The following SLCO1A2 variants were observed in gnomAD, a reference collection of about 807,000 sequenced individuals.
SLCO1A2 encodes solute carrier organic anion transporter family member 1A2, also known as OATP-1.
SLCO1A2 carries 67 observed loss-of-function variants against 69.0 expected under a neutral mutation model. The ratio of observed to expected loss-of-function variants is 0.97; its 90% CI spans 0.80 to 1.19. The LOEUF is 1.19. Ranked by LOEUF, SLCO1A2 falls within the 50% of genes most tolerant of loss-of-function variation. The pLI, the probability that SLCO1A2 is intolerant of heterozygous loss-of-function variation, is 0.00. For missense variants in SLCO1A2, 787 were observed against 793.7 expected (o/e 0.99, Z 0.10); for synonymous variants, 260 against 265.9 (o/e 0.98, Z 0.22).
In SLCO1A2 at chr12:21,275,443, T is replaced by C. The variant is rs1198278848; in HGVS notation, c.1611-19A>G. The C allele has an allele frequency of 4.9e-6, 7 of 1,427,804 alleles. No individual in the cohort carries two copies. Among genetic ancestry groups the C allele is most frequent in the Non-Finnish European group, 6.5e-6 (7 of 1,071,786 alleles). 88.4% of individuals were successfully genotyped at this position (1,427,804 alleles called of 1,614,324 possible). On this transcript the variant is annotated intron_variant, in intron 12 of 14. Transcript: ENST00000683939. ...CATACACCTGAAAAGTAAATAAGTT[T>C]GTAAATAAAAGAAAAATAAAGATTT...
At chr12:21,301,728 T>C (rs1948736767) in intron 6 of SLCO1A2, among the ~76,000 whole-genome samples, 1 of 152,164 alleles carries the variant, frequency 6.6e-6, no homozygotes, top group Admixed American at 6.5e-5. Context: ...TCTGGCTATG[T>C]CCTCATTATT....
At chr12:21,358,373 A>G (rs965520120) in intron 2 of SLCO1A2, among the ~76,000 whole-genome samples, 1 of 152,200 alleles carries the variant, frequency 6.6e-6, no homozygotes, top group African/African-American at 2.4e-5. Context: ...TTTAAAACAC[A>G]TATTTTTCCT....
chr12:21,370,998 CTG>C (rs1229801390), intron 2 of SLCO1A2, among the ~76,000 whole-genome samples: 4 of 152,228 alleles, frequency 2.6e-5, no homozygotes, highest in Admixed American at 2.0e-4. Context: ...ATTTATAACT[CTG>C]TGACTGCTCC....
chr12:21,313,406 C>T (rs1428196879), intron 4 of SLCO1A2, among the ~76,000 whole-genome samples: 1 of 152,108 alleles, frequency 6.6e-6, no homozygotes, highest in Non-Finnish European at 1.5e-5. Context: ...AATAGAATAA[C>T]ATTTAGTTAG....
rs375851429 is a variant in SLCO1A2, at chr12:21,301,206, G to C, written c.653C>G (p.Ala218Gly). The change falls in exon 7 of 15, where the codon GCA (alanine) becomes GGA (glycine). Residue 218 changes from alanine (A) to glycine (G), a missense_variant. By Grantham distance (60) the Ala-to-Gly change is moderately conservative. Transcript: ENST00000683939. ...AAATCCAGTGTCAACATAAACATTT[G>C]CACAGAATGATGCCAACAAAAGTCC... ...LIGLLLASFCANVYVDTGFVN... is the reference protein window; with the variant it reads ...LIGLLLASFCGNVYVDTGFVN... 6.2e-7 allele frequency: 1 copy of C among 1,612,340 alleles called. No homozygotes were observed. The highest frequency in any genetic ancestry group is 8.5e-7 in the Non-Finnish European group (1 of 1,179,268).
At chr12:21,273,641 G>T (rs57503786) in intron 14 of SLCO1A2, among the ~76,000 whole-genome samples, 10,509 of 152,060 alleles carry the variant, frequency 0.069, 1,131 homozygotes, top group African/African-American at 0.24. Context: ...TGACCCTTGG[G>T]GTTCCTCAAC....
Position 21,314,693 on chromosome 12 carries a change from T to A in SLCO1A2, c.203-12A>T, listed in dbSNP as rs1228999042. The A allele has an allele frequency of 3.2e-6, 5 of 1,572,870 alleles. No homozygotes were observed. The highest frequency in any genetic ancestry group is 4.4e-6 in the Non-Finnish European group (5 of 1,143,884). On this transcript the variant is annotated splice_polypyrimidine_tract_variant and intron_variant, in intron 3 of 14. Transcript: ENST00000683939. ...CAACAAAAGATTTCCTAGGAAAAAA[T>A]TGAGAATAATCATTTTAAAAAGTAT...
chr12:21,320,769 A>G (rs1376878093), intron 2 of SLCO1A2, among the ~76,000 whole-genome samples: 1 of 152,088 alleles, frequency 6.6e-6, no homozygotes, highest in African/African-American at 2.4e-5. Context: ...AAAGTACTGG[A>G]ATTAAAAGCA....
rs751993565 is a variant in SLCO1A2 at position 21,268,854 on chromosome 12, A to C, written c.*694T>G. On this transcript the variant is annotated 3_prime_UTR_variant, in exon 15 of 15. Transcript: ENST00000683939. Reference sequence around the variant, plus strand: ...CTTGTTTGTAAGAAAAACTTTAGTCACTGGATTTGAATTACTGAAAAAAAA... The same window carrying C: ...CTTGTTTGTAAGAAAAACTTTAGTCCCTGGATTTGAATTACTGAAAAAAAA... The C allele has an allele frequency of 2.0e-5, 3 of 152,030 alleles. No homozygotes were observed. Among genetic ancestry groups the C allele is most frequent in the Non-Finnish European group, 4.4e-5 (3 of 67,940 alleles). The allele number at this position is 152,030 out of a possible 1,614,324, so 9.4% of individuals were successfully genotyped here. A position where few individuals can be genotyped will look rare whatever the true frequency, so the allele number is the denominator to read the frequency against.
intron 2 of SLCO1A2, among the ~76,000 whole-genome samples, chr12:21,349,722 A>G (rs1466019974): frequency 6.6e-6 from 1 of 152,154 alleles, no homozygotes; most frequent in African/African-American, 2.4e-5. Flanking sequence ...CTGTTTCTCC[A>G]GCATCGGCCA....
chr12:21,370,694 A>G (rs994593389), intron 2 of SLCO1A2, among the ~76,000 whole-genome samples: 2 of 152,212 alleles, frequency 1.3e-5, no homozygotes, highest in Non-Finnish European at 2.9e-5. Flanking sequence ...AATAGAATAA[A>G]TAACAATGTA....
intron 4 of SLCO1A2, among the ~76,000 whole-genome samples, chr12:21,309,945 C>T (rs181848876): frequency 6.6e-6 from 1 of 152,248 alleles, no homozygotes; most frequent in African/African-American, 2.4e-5. Flanking sequence ...ATTGAGGAGA[C>T]ATTTGCCCTA....
At chr12:21,378,579 T>C in intron 1 of SLCO1A2, 1 of 611,926 alleles carries the variant, frequency 1.6e-6, no homozygotes, top group South Asian at 2.1e-5. Context: ...GTTTTATATG[T>C]AGTACTAACT....
chr12:21,285,443 G>A (rs1265136390), intron 12 of SLCO1A2, among the ~76,000 whole-genome samples: 1 of 142,808 alleles, frequency 7.0e-6, no homozygotes, highest in Non-Finnish European at 1.5e-5. Context: ...GGAGGAACTG[G>A]TACCATTCCT....
chr12:21,411,502 T>G (rs906895155), intron 1 of SLCO1A2, among the ~76,000 whole-genome samples: 4 of 152,188 alleles, frequency 2.6e-5, no homozygotes, highest in Admixed American at 2.6e-4. Context: ...TTGTTATGGC[T>G]TTATCATAAG....
chr12:21,269,640 C>T lies in SLCO1A2; in HGVS notation c.1921G>A (p.Glu641Lys). 1 of 1,612,664 alleles carries T rather than the reference C, an allele frequency of 6.2e-7. No homozygotes were observed. The highest frequency in any genetic ancestry group is 1.7e-4 in the Middle Eastern group (1 of 6,052). Reference sequence around the variant, plus strand: ...TTTTCCTTCCCTTTGACTTTTGTCTCTATAAGCTCTGTTCCTGAAGAGGCA... The same window carrying T: ...TTTTCCTTCCCTTTGACTTTTGTCTTTATAAGCTCTGTTCCTGAAGAGGCA... ...ENASSGTELI[E>K]TKVKGKENEC... Residue 641 changes from glutamate to lysine, a missense_variant, in exon 15 of 15, where the codon GAG becomes AAG. Physicochemically the swap from Glu to Lys is moderately conservative, Grantham distance 56. Transcript: ENST00000683939.
intron 12 of SLCO1A2, among the ~76,000 whole-genome samples, chr12:21,276,121 T>G (rs907880116): frequency 6.6e-6 from 1 of 152,118 alleles, no homozygotes; most frequent in African/African-American, 2.4e-5. Context: ...TAAGAGAATT[T>G]TAGAAGTCTC....
intron 10 of SLCO1A2, chr12:21,294,968 A>AT (rs1238507182): frequency 6.6e-6 from 1 of 152,134 alleles, no homozygotes; most frequent in Non-Finnish European, 1.5e-5. Flanking sequence ...TCTTTATTTC[A>AT]TTTTAACTGA....
chr12:21,322,369 T>C (rs550067730), intron 2 of SLCO1A2, among the ~76,000 whole-genome samples: 25 of 152,304 alleles, frequency 1.6e-4, no homozygotes, highest in Admixed American at 6.5e-4. Context: ...GTGCCCAAGA[T>C]GGTCAGGGCA....
Sources: allele counts gnomAD v4.1 joint callset (sites outside exome capture counted in the v4.1 genomes callset), GRCh38; gene constraint gnomAD v4.1.1; transcripts MANE v1.5; gene names NCBI Gene and HGNC (gene_info 2026-07-23, HGNC 2026-07-21).